Variants in CALN1 observed in about 807,000 individuals in gnomAD.
CALN1 encodes the protein calcium-binding protein 8.
Under a neutral mutation model 30.6 loss-of-function variants are expected in CALN1, and 17 were observed. The observed-to-expected ratio is 0.56, with a 90% CI of 0.38 to 0.83. The LOEUF (loss-of-function observed/expected upper bound fraction) is 0.83, where lower values mean the gene tolerates loss of function less well. CALN1 is among the 40% of genes least tolerant of loss of function. CALN1 has a pLI of 0.00. For synonymous variants in CALN1, 156 were observed against 131.4 expected (o/e 1.19, Z -1.28); for missense variants, 291 against 354.9 (o/e 0.82, Z 1.45).
At chr7:72,217,782 A>G (rs902259386) in intron 3 of CALN1, among the ~76,000 whole-genome samples, 1 of 151,358 alleles carries the variant, frequency 6.6e-6, no homozygotes, top group Non-Finnish European at 1.5e-5. Flanking sequence ...GTTCGAGATC[A>G]GCTTGGGCAA....
chr7:71,909,555 C>T (rs1794317531), intron 5 of CALN1, among the ~76,000 whole-genome samples: 1 of 152,086 alleles, frequency 6.6e-6, no homozygotes, highest in Non-Finnish European at 1.5e-5. Flanking sequence ...TAATAATATT[C>T]TAAGTCTGGG....
intron 5 of CALN1, among the ~76,000 whole-genome samples, chr7:71,885,112 C>T (rs1792820765): frequency 6.6e-6 from 1 of 152,302 alleles, no homozygotes; most frequent in East Asian, 1.9e-4. Flanking sequence ...GCCCGCTCCG[C>T]TTTGAGTTGT....
chr7:72,157,947 G>A (rs1213009955), intron 3 of CALN1, among the ~76,000 whole-genome samples: 4 of 152,188 alleles, frequency 2.6e-5, no homozygotes, highest in African/African-American at 9.6e-5. Flanking sequence ...GTTTCACAAT[G>A]TTGGCCAGGC....
At chr7:72,305,092 G>A (rs1388198537) in intron 2 of CALN1, among the ~76,000 whole-genome samples, 1 of 152,196 alleles carries the variant, frequency 6.6e-6, no homozygotes, top group Non-Finnish European at 1.5e-5. Context: ...AGCCTGGGTT[G>A]GAACCCTTTA....
At chr7:72,336,739 G>C (rs1030926195) in intron 2 of CALN1, 88 of 985,244 alleles carry the variant, frequency 8.9e-5, no homozygotes, top group Non-Finnish European at 1.0e-4. Flanking sequence ...CCCGGCAGCC[G>C]AGGCGCCTCC....
chr7:72,409,465 CCT>C (rs141634080), intron 1 of CALN1, among the ~76,000 whole-genome samples: 2,514 of 148,940 alleles, frequency 0.017, 68 homozygotes, highest in African/African-American at 0.058. Context: ...TCTGTGCCAG[CCT>C]CTGAGGAAGG....
chr7:71,931,371 T>G (rs915582449), intron 5 of CALN1, among the ~76,000 whole-genome samples: 1 of 152,174 alleles, frequency 6.6e-6, no homozygotes, highest in Non-Finnish European at 1.5e-5. Context: ...CTTCAAGTGA[T>G]TCTCTTTGCC....
intron 5 of CALN1, among the ~76,000 whole-genome samples, chr7:72,013,097 C>T (rs747611312): frequency 3.3e-5 from 5 of 152,066 alleles, no homozygotes; most frequent in African/African-American, 1.2e-4. Context: ...TGTACCCGGC[C>T]GGCTTTTATA....
rs113241244 is a variant in CALN1 at position 72,323,509 on chromosome 7, A to G, written c.120-44699T>C. 5.9e-5 allele frequency among the ~76,000 whole-genome samples: 9 copies of G among 152,132 alleles called. 1 individual carries two copies. Among genetic ancestry groups the G allele is most frequent in the African/African-American group, 1.9e-4 (8 of 41,492 alleles). ...ATCCCGCCTCTACTAAAAATATTTT[A>G]AAAATCAGCTGGGCATGCTGGCATG... On this transcript the variant is annotated intron_variant, in intron 2 of 6. Coordinates refer to ENST00000395275, the MANE Select transcript of CALN1 (RefSeq NM_031468.4).
At chr7:72,051,717 A>AG (rs1386659418) in intron 4 of CALN1, among the ~76,000 whole-genome samples, 1 of 152,248 alleles carries the variant, frequency 6.6e-6, no homozygotes, top group African/African-American at 2.4e-5. Flanking sequence ...AGCCAAGTAC[A>AG]GATCATTCCA....
intron 5 of CALN1, among the ~76,000 whole-genome samples, chr7:71,960,213 T>C (rs1797180022): frequency 1.3e-5 from 2 of 151,676 alleles, no homozygotes; most frequent in African/African-American, 4.8e-5. Context: ...AATAAAAGCA[T>C]ATTTAGAGGA....
chr7:72,043,531 G>A (rs1802263843), intron 4 of CALN1, among the ~76,000 whole-genome samples: 2 of 152,176 alleles, frequency 1.3e-5, no homozygotes, highest in African/African-American at 4.8e-5. Context: ...TAAGTTGTGA[G>A]GCTGAGCTGG....
rs140500562 is a variant in CALN1, at chr7:72,094,986, T to G, written c.388+11165A>C. ...ATATAGGTTTGAAATACCAAGGTAT[T>G]TATGACTCAGGGGCGTGTGTGTGTG... On this transcript the variant is annotated intron_variant, in intron 4 of 6. Transcript: ENST00000395275. 7.4e-3 allele frequency among the ~76,000 whole-genome samples: 1,122 copies of G among 152,250 alleles called. 32 individuals are homozygous for G. The highest frequency in any genetic ancestry group is 0.054 in the Admixed American group (830 of 15,286).
intron 3 of CALN1, among the ~76,000 whole-genome samples, chr7:72,171,889 A>G (rs1213042088): frequency 6.6e-6 from 1 of 152,174 alleles, no homozygotes; most frequent in African/African-American, 2.4e-5. Context: ...ACAACCTTTC[A>G]AGTAATGTGT....
chr7:72,187,131 T>C (rs1790263394), intron 3 of CALN1, among the ~76,000 whole-genome samples: 1 of 152,140 alleles, frequency 6.6e-6, no homozygotes, highest in African/African-American at 2.4e-5. Context: ...ATTATTATTA[T>C]TGTAACCATT....
the CALN1 span, among the ~76,000 whole-genome samples, chr7:72,499,583 T>C: frequency 9.4e-3 from 1,433 of 152,140 alleles, 15 homozygotes; most frequent in African/African-American, 0.032. Flanking sequence ...TAAGATAAAC[T>C]GACTCACATG....
chr7:71,813,803 C>T (rs1328195804), intron 5 of CALN1, among the ~76,000 whole-genome samples: 4 of 151,718 alleles, frequency 2.6e-5, no homozygotes, highest in African/African-American at 4.8e-5. Context: ...TGGTGGCGGG[C>T]GCCTGTAGTC....
chr7:71,787,958 A>G, intron 6 of CALN1, 56 bp from the exon 7 acceptor site: 4 of 1,610,760 alleles, frequency 2.5e-6, no homozygotes, highest in Non-Finnish European at 3.4e-6. Flanking sequence ...GAGAAGAGAG[A>G]AGAGAGAAAT....
chr7:72,108,225 C>G (rs1261438964), intron 3 of CALN1, among the ~76,000 whole-genome samples: 1 of 152,266 alleles, frequency 6.6e-6, no homozygotes, highest in Non-Finnish European at 1.5e-5. Context: ...AATTCTCCCT[C>G]TGTCCTGCTC....
Sources: allele counts gnomAD v4.1 joint callset (sites outside exome capture counted in the v4.1 genomes callset), GRCh38; gene constraint gnomAD v4.1.1; transcripts MANE v1.5; gene names NCBI Gene and HGNC (gene_info 2026-07-23, HGNC 2026-07-21).